RNFT2: variants seen among roughly 807,000 people sequenced by gnomAD.
The protein encoded by RNFT2 is E3 ubiquitin-protein ligase RNFT2.
RNFT2 carries 36 observed loss-of-function variants against 53.0 expected under a neutral mutation model. The observed-to-expected ratio is 0.68, with a 90% confidence interval of 0.52 to 0.90. The LOEUF (loss-of-function observed/expected upper bound fraction) is 0.90. Ranked by LOEUF, RNFT2 falls within the 40% of genes least tolerant of loss-of-function variation. RNFT2 has a pLI of 0.00. For synonymous variants in RNFT2, 260 were observed against 253.2 expected (o/e 1.03, Z -0.26); for missense variants, 514 against 585.6 (o/e 0.88, Z 1.26).
chr12:116,822,297 A>T (rs1876080771), intron 7 of RNFT2, among the ~76,000 whole-genome samples: 2 of 152,008 alleles, frequency 1.3e-5, no homozygotes, highest in Non-Finnish European at 2.9e-5. Flanking sequence ...AAGCAGGGCC[A>T]TCATTTTGGC....
chr12:116,786,915 C>T (rs1873958535), intron 7 of RNFT2, among the ~76,000 whole-genome samples: 1 of 152,174 alleles, frequency 6.6e-6, no homozygotes, highest in African/African-American at 2.4e-5. Flanking sequence ...TCTCTGCCCC[C>T]ATGGCCACAT....
chr12:116,753,488 A>G lies in RNFT2; in HGVS notation c.551-496A>G, dbSNP rs139615772. ...AATGTATGCTTTTATCACAAATTCT[A>G]TCTGATTCTATCAATCAGATTCTTT... is the stretch of plus-strand genomic sequence containing the variant. On this transcript the variant is annotated intron_variant, in intron 4 of 10. Transcript: ENST00000257575. Among the ~76,000 whole-genome samples the G allele has an allele frequency of 1.3e-3, 199 of 152,252 alleles. 1 individual carries two copies. The highest frequency in any genetic ancestry group is 4.5e-3 in the African/African-American group (188 of 41,544).
chr12:116,839,388 GTGGATGGA>G (rs1234178958), intron 10 of RNFT2, among the ~76,000 whole-genome samples: 3 of 142,664 alleles, frequency 2.1e-5, no homozygotes, highest in African/African-American at 7.9e-5. Context: ...GGTTGGGTGG[GTGGATGGA>G]TGGATGGATG....
chr12:116,778,938 A>G (rs772781242), intron 6 of RNFT2, among the ~76,000 whole-genome samples: 2 of 152,254 alleles, frequency 1.3e-5, no homozygotes, highest in African/African-American at 2.4e-5. Flanking sequence ...AAAAAGGACT[A>G]AAACAAGGAC....
chr12:116,852,543 C>A lies in RNFT2; in HGVS notation c.*3095C>A. On this transcript the variant is annotated 3_prime_UTR_variant, in exon 11 of 11. Coordinates refer to ENST00000257575, the MANE Select transcript of RNFT2 (RefSeq NM_001382266.1). ...GAAGGGGAAGCAGAGGGAAATGGGGCCATGTGAATGCAGCTGCTCTGTTCT... is the reference window on the plus strand; with the variant it reads ...GAAGGGGAAGCAGAGGGAAATGGGGACATGTGAATGCAGCTGCTCTGTTCT... 6.3e-7 allele frequency: 1 copy of A among 1,588,742 alleles called. No homozygotes were observed. The highest frequency in any genetic ancestry group is 1.8e-5 in the Admixed American group (1 of 57,122).
At chr12:116,780,458 G>A (rs1393163144) in intron 7 of RNFT2, among the ~76,000 whole-genome samples, 1 of 152,078 alleles carries the variant, frequency 6.6e-6, no homozygotes, top group Non-Finnish European at 1.5e-5. Context: ...TCTGATGGGA[G>A]GCGGAGCTCA....
At chr12:116,740,649 G>A (rs1871561359) in intron 2 of RNFT2, 128 bp downstream of exon 2, 1 of 879,264 alleles carries the variant, frequency 1.1e-6, no homozygotes, top group Non-Finnish European at 1.8e-6. Context: ...CCCACAGAGG[G>A]GTTACTGATT....
rs191043302 is a variant in RNFT2, at chr12:116,851,946, C to T, written c.*2498C>T. 3.6e-5 allele frequency: 55 copies of T among 1,527,594 alleles called. No individual in the cohort carries two copies. In the East Asian group the frequency reaches 1.2e-3, roughly 33 times the overall value. The allele number at this position is 1,527,594 out of a possible 1,614,324, so 94.6% of individuals were successfully genotyped here. A position where few individuals can be genotyped will look rare whatever the true frequency, so the allele number is the denominator to read the frequency against. ...GGACATTGCCATCCCCTCTGGTAGC[C>T]TTCAGAGCAAACAGGACAACCTATG... On this transcript the variant is annotated 3_prime_UTR_variant, in exon 11 of 11. Transcript: ENST00000257575.
intron 7 of RNFT2, among the ~76,000 whole-genome samples, chr12:116,785,695 A>G (rs143130675): frequency 6.6e-6 from 1 of 152,230 alleles, no homozygotes; most frequent in African/African-American, 2.4e-5. Flanking sequence ...GAAATGGCAG[A>G]GAAACTGAAG....
intron 6 of RNFT2, among the ~76,000 whole-genome samples, chr12:116,776,555 C>T (rs1873438452): frequency 6.6e-6 from 1 of 152,184 alleles, no homozygotes; most frequent in Non-Finnish European, 1.5e-5. Context: ...GGGAGGGTCA[C>T]TGAAGGTGTT....
chr12:116,763,718 G>A (rs1285645556), intron 5 of RNFT2, among the ~76,000 whole-genome samples: 1 of 150,896 alleles, frequency 6.6e-6, no homozygotes, highest in Non-Finnish European at 1.5e-5. Context: ...GTTGGAACTT[G>A]CAGTGAGCCG....
chr12:116,824,573 C>T (rs183876439), intron 7 of RNFT2, among the ~76,000 whole-genome samples: 18 of 152,274 alleles, frequency 1.2e-4, no homozygotes, highest in Admixed American at 9.8e-4. Context: ...GAGCACCAGC[C>T]ATCACATCCA....
intron 7 of RNFT2, among the ~76,000 whole-genome samples, chr12:116,824,775 C>T (rs974939520): frequency 6.6e-6 from 1 of 152,170 alleles, no homozygotes; most frequent in African/African-American, 2.4e-5. Context: ...CCAATCCCAT[C>T]ATGAGAGCTC....
At chr12:116,743,213 T>TAAAA (rs762013507) in intron 3 of RNFT2, among the ~76,000 whole-genome samples, 131 of 10,654 alleles carry the variant, frequency 0.012, 22 homozygotes, top group Non-Finnish European at 0.016. Context: ...AGGTAGAATC[T>TAAAA]AAAAAAAAAA....
intron 5 of RNFT2, among the ~76,000 whole-genome samples, 158 bp downstream of exon 5, chr12:116,754,218 G>A (rs1274450554): frequency 1.3e-5 from 2 of 152,188 alleles, no homozygotes; most frequent in Non-Finnish European, 2.9e-5. Flanking sequence ...AACGTACAAT[G>A]TTTGGTTTTC....
rs1407067691 is a variant in RNFT2 at position 116,851,914 on chromosome 12, C to A, written c.*2466C>A. On this transcript the variant is annotated 3_prime_UTR_variant, in exon 11 of 11. Coordinates refer to ENST00000257575, the MANE Select transcript of RNFT2 (RefSeq NM_001382266.1). ...ACTTAAGTCTCAGGCCTGTCAGCAG[C>A]TCCTGTGGACATTGCCATCCCCTCT... The A allele has an allele frequency of 6.5e-7, 1 of 1,534,734 alleles. No homozygotes were observed. Among genetic ancestry groups the A allele is most frequent in the African/African-American group, 1.4e-5 (1 of 72,958 alleles).
At chr12:116,807,581 C>T (rs1286588276) in intron 7 of RNFT2, among the ~76,000 whole-genome samples, 1 of 152,204 alleles carries the variant, frequency 6.6e-6, no homozygotes. Flanking sequence ...CTGCATGATT[C>T]TGCCTCTCCC....
chr12:116,762,311 T>A (rs1347069631), intron 5 of RNFT2, among the ~76,000 whole-genome samples: 1 of 149,674 alleles, frequency 6.7e-6, no homozygotes, highest in African/African-American at 2.5e-5. Context: ...ACCTGGGAGG[T>A]GGAGGTTGAA....
intron 7 of RNFT2, among the ~76,000 whole-genome samples, chr12:116,785,275 G>GT (rs1555261550): frequency 2.2e-5 from 3 of 138,110 alleles, no homozygotes; most frequent in African/African-American, 6.4e-5. Context: ...GTGTGTGTGT[G>GT]GCGGGGGGGG....
Sources: gnomAD v4.1 joint callset for allele counts (sites outside exome capture counted in the v4.1 genomes callset) on GRCh38, gnomAD v4.1.1 for gene constraint, MANE v1.5 for transcripts, NCBI Gene and HGNC (gene_info 2026-07-23, HGNC 2026-07-21) for gene names.